The following SUDS3 variants were observed in gnomAD, a reference collection of about 807,000 sequenced individuals.
SUDS3 encodes the protein SIN3A corepressor complex component SDS3.
A neutral mutation model predicts 53.5 loss-of-function variants in SUDS3; 23 were observed. The observed-to-expected ratio is 0.43, with a 90% confidence interval of 0.31 to 0.61. The LOEUF (loss-of-function observed/expected upper bound fraction) is 0.61. Among genes scored for constraint, SUDS3 ranks in the 20% least tolerant of loss-of-function variants. SUDS3 has a pLI of 0.10. For missense variants in SUDS3, 291 were observed against 405.9 expected (o/e 0.72, Z 2.43); for synonymous variants, 150 against 148.5 (o/e 1.01, Z -0.08).
intron 6 of SUDS3, among the ~76,000 whole-genome samples, chr12:118,393,516 G>A (rs1348357916): frequency 6.6e-6 from 1 of 152,166 alleles, no homozygotes; most frequent in African/African-American, 2.4e-5. Flanking sequence ...GTAGAAATGA[G>A]TAACTGTACA....
chr12:118,409,282 G>T (rs1221747022), intron 10 of SUDS3, among the ~76,000 whole-genome samples: 2 of 151,994 alleles, frequency 1.3e-5, no homozygotes, highest in African/African-American at 4.8e-5. Flanking sequence ...GAGTAGCTGG[G>T]ATTACAGGAG....
At chr12:118,377,700 A>G (rs2046013982) in intron 1 of SUDS3, among the ~76,000 whole-genome samples, 1 of 152,170 alleles carries the variant, frequency 6.6e-6, no homozygotes, top group Non-Finnish European at 1.5e-5. Context: ...AGGAGGAGGA[A>G]GGTGATGAAA....
At position 118,417,148 on chromosome 12, in the gene SUDS3, A is replaced by C. The variant is rs1326673317; in HGVS notation, c.*2715A>C. On this transcript the variant is annotated 3_prime_UTR_variant, in exon 12 of 12. Coordinates refer to ENST00000543473, the MANE Select transcript of SUDS3 (RefSeq NM_022491.3). Reference sequence around the variant, plus strand: ...CAGATGGATTTCTGTAGCCATACCAAAGCCAGGGTGTTTTCATTCATGCGG... The same window carrying C: ...CAGATGGATTTCTGTAGCCATACCACAGCCAGGGTGTTTTCATTCATGCGG... 2 of 152,208 alleles carry C rather than the reference A, an allele frequency of 1.3e-5. 1 individual carries two copies. Among genetic ancestry groups the C allele is most frequent in the East Asian group, 3.9e-4 (2 of 5,172 alleles). 9.4% of individuals were successfully genotyped at this position (152,208 alleles called of 1,614,324 possible).
chr12:118,394,924 A>G (rs1304397059), intron 6 of SUDS3, among the ~76,000 whole-genome samples: 1 of 152,198 alleles, frequency 6.6e-6, no homozygotes, highest in African/African-American at 2.4e-5. Context: ...GGCTCAAGCA[A>G]TCTGCCTGCC....
At chr12:118,406,370 TGGACTCACTTATTGGGGA>T (rs1295810798) in intron 10 of SUDS3, among the ~76,000 whole-genome samples, 4 of 152,218 alleles carry the variant, frequency 2.6e-5, no homozygotes. Flanking sequence ...AGCTATAACG[TGGACTCACTTATTGGGGA>T]AATAAAGTGT....
At chr12:118,377,086 C>T (rs905846360) in intron 1 of SUDS3, among the ~76,000 whole-genome samples, 2 of 151,952 alleles carry the variant, frequency 1.3e-5, no homozygotes, top group Non-Finnish European at 2.9e-5. Flanking sequence ...CCTTTAAGAC[C>T]CCGTCCTCCC....
chr12:118,398,909 A>G (rs189055857), intron 6 of SUDS3, among the ~76,000 whole-genome samples: 3 of 152,260 alleles, frequency 2.0e-5, no homozygotes, highest in Admixed American at 6.5e-5. Flanking sequence ...TGAGGTTTGT[A>G]TAGATGCTCT....
intron 10 of SUDS3, among the ~76,000 whole-genome samples, chr12:118,408,454 C>G (rs2046328338): frequency 6.6e-6 from 1 of 152,106 alleles, no homozygotes; most frequent in African/African-American, 2.4e-5. Flanking sequence ...GTGCTTCAGC[C>G]TCCCGAGTAC....
chr12:118,410,513 C>T (rs893664684), intron 10 of SUDS3, among the ~76,000 whole-genome samples: 1 of 151,926 alleles, frequency 6.6e-6, no homozygotes, highest in Non-Finnish European at 1.5e-5. Context: ...AGCTTTAGAT[C>T]CCAAAGAAGA....
At chr12:118,400,591 T>C (rs1416787094) in intron 6 of SUDS3, 68 bp from the exon 7 acceptor site, 5 of 1,459,050 alleles carry the variant, frequency 3.4e-6, no homozygotes, top group East Asian at 2.3e-5. Context: ...GATATTCTTA[T>C]ACTATAGAAA....
At chr12:118,379,849 A>G (rs1006543739) in intron 1 of SUDS3, among the ~76,000 whole-genome samples, 3 of 152,182 alleles carry the variant, frequency 2.0e-5, no homozygotes, top group African/African-American at 7.2e-5. Context: ...TGTAAGTTGG[A>G]AATGGCCTTT....
Position 118,417,151 on chromosome 12 carries a change from C to G in SUDS3, c.*2718C>G, listed in dbSNP as rs1319807167. On this transcript the variant is annotated 3_prime_UTR_variant, in exon 12 of 12. Transcript: ENST00000543473. ...ATGGATTTCTGTAGCCATACCAAAG[C>G]CAGGGTGTTTTCATTCATGCGGATA... is the stretch of plus-strand genomic sequence containing the variant. 1.3e-5 allele frequency: 2 copies of G among 152,014 alleles called. No individual in the cohort carries two copies. Among genetic ancestry groups the G allele is most frequent in the African/African-American group, 4.8e-5 (2 of 41,352 alleles). 9.4% of individuals were successfully genotyped at this position (152,014 alleles called of 1,614,324 possible).
rs375417269 is a variant in SUDS3, at chr12:118,392,804, G to A, written c.517+1522G>A. ...ATCCGTTTACAGCTGCTCCCTTTCC[G>A]TCTGTGGGGAACGGGTATCATCACC... On this transcript the variant is annotated intron_variant, in intron 6 of 11. Transcript: ENST00000543473. Among the ~76,000 whole-genome samples the A allele has an allele frequency of 5.3e-5, 8 of 152,280 alleles. No individual in the cohort carries two copies. The South Asian group carries it at 1.5e-3, about 28-fold the overall frequency.
intron 2 of SUDS3, among the ~76,000 whole-genome samples, chr12:118,382,750 C>T (rs2046078309): frequency 6.6e-6 from 1 of 151,614 alleles, no homozygotes; most frequent in Non-Finnish European, 1.5e-5. Flanking sequence ...TCACTGCAAC[C>T]TCCAGCCCCT....
intron 1 of SUDS3, among the ~76,000 whole-genome samples, chr12:118,379,528 T>C (rs2046034420): frequency 6.6e-6 from 1 of 152,154 alleles, no homozygotes; most frequent in Non-Finnish European, 1.5e-5. Context: ...AGGATTTTGG[T>C]ATCCACGGGA....
chr12:118,405,133 C>T (rs539037592), intron 10 of SUDS3, among the ~76,000 whole-genome samples: 2 of 152,262 alleles, frequency 1.3e-5, no homozygotes, highest in South Asian at 2.1e-4. Flanking sequence ...CAGCTTAACA[C>T]TGAGAAGGGC....
At position 118,388,078 on chromosome 12, in the gene SUDS3, G is replaced by A. The variant is rs1430638356; in HGVS notation, c.341-1849G>A. 3.9e-5 allele frequency among the ~76,000 whole-genome samples: 6 copies of A among 152,264 alleles called. No individual in the cohort carries two copies. The South Asian group carries it at 1.2e-3, about 31-fold the overall frequency. On this transcript the variant is annotated intron_variant, in intron 4 of 11. Coordinates refer to ENST00000543473, the MANE Select transcript of SUDS3 (RefSeq NM_022491.3). ...CTCGGAATGGCACAGGACTTCAGCT[G>A]TCTGGCCCACTTGTGCATGGTACAG...
intron 9 of SUDS3, 108 bp downstream of exon 9, chr12:118,402,112 A>C: frequency 7.7e-7 from 1 of 1,291,110 alleles, no homozygotes; most frequent in Non-Finnish European, 1.1e-6. Flanking sequence ...TGAAATGTTC[A>C]TCATTTGCCT....
chr12:118,393,679 AT>A (rs1241485172), intron 6 of SUDS3, among the ~76,000 whole-genome samples: 2 of 146,972 alleles, frequency 1.4e-5, no homozygotes, highest in South Asian at 2.2e-4. Flanking sequence ...TTTAAATTTA[AT>A]TTTTTTTTGA....
Sources: gnomAD v4.1 joint callset for allele counts (sites outside exome capture counted in the v4.1 genomes callset) on GRCh38, gnomAD v4.1.1 for gene constraint, MANE v1.5 for transcripts, NCBI Gene and HGNC (gene_info 2026-07-23, HGNC 2026-07-21) for gene names.